Variants in OSTC observed in about 807,000 individuals in gnomAD.
OSTC encodes the protein oligosaccharyltransferase complex subunit OSTC.
Under a neutral mutation model 16.4 loss-of-function variants are expected in OSTC, and 16 were observed. The ratio of observed to expected loss-of-function variants is 0.98; its 90% confidence interval spans 0.66 to 1.49. The LOEUF (loss-of-function observed/expected upper bound fraction) is 1.49, where lower values mean the gene tolerates loss of function less well. OSTC is among the 40% of genes most tolerant of loss of function. OSTC has a pLI of 0.00. For synonymous variants in OSTC, 67 were observed against 68.5 expected (o/e 0.98, Z 0.11); for missense variants, 139 against 186.3 (o/e 0.75, Z 1.48).
intron 1 of OSTC, chr4:108,651,123 C>T (rs1243545079): frequency 4.0e-6 from 1 of 250,484 alleles, no homozygotes; most frequent in South Asian, 5.5e-5. Flanking sequence ...GATAAATGTC[C>T]TGGGAAAGCC....
chr4:108,658,971 CTTTTTTTTTTTTTT>C (rs766585998), intron 3 of OSTC, among the ~76,000 whole-genome samples: 2 of 83,896 alleles, frequency 2.4e-5, no homozygotes, highest in African/African-American at 5.3e-5. Context: ...GGCAGCAGCT[CTTTTTTTTTTTTTT>C]TTTTTTTTTT....
At chr4:108,659,831 T>C (rs919425545) in intron 3 of OSTC, among the ~76,000 whole-genome samples, 1 of 152,168 alleles carries the variant, frequency 6.6e-6, no homozygotes, top group Non-Finnish European at 1.5e-5. Flanking sequence ...TTTGGAGGCA[T>C]GTGTCAGAAC....
intron 1 of OSTC, among the ~76,000 whole-genome samples, chr4:108,652,520 C>T (rs1205224984): frequency 1.3e-5 from 2 of 151,814 alleles, no homozygotes; most frequent in African/African-American, 4.8e-5. Flanking sequence ...ATTGGTTTTG[C>T]CACTGGAAGG....
chr4:108,667,248 G>C lies in OSTC; in HGVS notation c.433G>C (p.Gly145Arg). 6.2e-7 allele frequency: 1 copy of C among 1,607,562 alleles called. No homozygotes were observed. Among genetic ancestry groups the C allele is most frequent in the Non-Finnish European group, 8.5e-7 (1 of 1,176,176 alleles). Residue 145 changes from glycine to arginine, a missense_variant and splice_region_variant, in exon 4 of 4, where the codon GGC becomes CGC. Gly to Arg is a moderately radical substitution (Grantham distance 125, BLOSUM62 -2). Transcript: ENST00000361564. Reference sequence around the variant, plus strand: ...GTGCTTATAATTATATTTCTGCAGGGGCTATCTGATGGGTTAGAGTGCCTT... The same window carrying C: ...GTGCTTATAATTATATTTCTGCAGGCGCTATCTGATGGGTTAGAGTGCCTT... Reference protein sequence around the residue: ...ARVFMRMKLPGYLMG With the variant: ...ARVFMRMKLPRYLMG
Position 108,657,644 on chromosome 4 carries a change from T to C in OSTC, c.428T>C (p.Leu143Pro), listed in dbSNP as rs1257665635. The change falls in exon 3 of 4, where the codon CTG (leucine) becomes CCG (proline). Residue 143 changes from leucine (L) to proline (P), a missense_variant. Physicochemically the swap from Leu to Pro is moderately conservative, Grantham distance 98. Coordinates refer to ENST00000361564, the MANE Select transcript of OSTC (RefSeq NM_021227.4). ...GCTAGAGTATTCATGAGAATGAAACTGCCGTAAGTTATTTGTGTAATCAGC... is the reference window on the plus strand; with the variant it reads ...GCTAGAGTATTCATGAGAATGAAACCGCCGTAAGTTATTTGTGTAATCAGC... ...FMARVFMRMK[L>P]PGYLMG 7 of 1,609,780 alleles carry C rather than the reference T, an allele frequency of 4.3e-6. No homozygotes were observed. The highest frequency in any genetic ancestry group is 1.3e-5 in the African/African-American group (1 of 74,810).
Position 108,657,660 on chromosome 4 carries a change from T to C in OSTC, c.431+13T>C, listed in dbSNP as rs749795037. 2 of 1,596,238 alleles carry C rather than the reference T, an allele frequency of 1.3e-6. No individual in the cohort carries two copies. Among genetic ancestry groups the C allele is most frequent in the South Asian group, 1.1e-5 (1 of 90,522 alleles). On this transcript the variant is annotated intron_variant, in intron 3 of 3. Coordinates refer to ENST00000361564, the MANE Select transcript of OSTC (RefSeq NM_021227.4). ...GAATGAAACTGCCGTAAGTTATTTG[T>C]GTAATCAGCACCTTATGTTGCAAAT...
chr4:108,665,533 G>GTGTTT (rs140237062), intron 3 of OSTC, among the ~76,000 whole-genome samples: 15 of 125,950 alleles, frequency 1.2e-4, no homozygotes, highest in African/African-American at 2.0e-4. Flanking sequence ...AGGATGTTTT[G>GTGTTT]TGTTTTGTTT....
intron 3 of OSTC, 83 bp downstream of exon 3, chr4:108,657,730 A>AT (rs1298503150): frequency 1.4e-5 from 18 of 1,251,986 alleles, no homozygotes; most frequent in Non-Finnish European, 2.0e-5. Flanking sequence ...AGGACATTTA[A>AT]TTTAACTTTC....
At chr4:108,660,104 A>G (rs955690840) in intron 3 of OSTC, among the ~76,000 whole-genome samples, 3 of 152,158 alleles carry the variant, frequency 2.0e-5, no homozygotes, top group African/African-American at 4.8e-5. Flanking sequence ...TTATGTGAAC[A>G]TTTGTCTTCC....
chr4:108,650,632 A>C lies in OSTC; in HGVS notation c.-24A>C. On this transcript the variant is annotated 5_prime_UTR_variant, in exon 1 of 4. Transcript: ENST00000361564. Reference sequence around the variant, plus strand: ...GGGAGGCGCGTGGGGCTTGAGGCCGAGAACGGCCCTTGCTGCCACCAACAT... The same window carrying C: ...GGGAGGCGCGTGGGGCTTGAGGCCGCGAACGGCCCTTGCTGCCACCAACAT... 1 of 1,612,344 alleles carries C rather than the reference A, an allele frequency of 6.2e-7. No individual in the cohort carries two copies. Among genetic ancestry groups the C allele is most frequent in the South Asian group, 1.1e-5 (1 of 91,020 alleles).
intron 2 of OSTC, 90 bp from the exon 3 acceptor site, chr4:108,657,360 T>A: frequency 8.8e-7 from 1 of 1,139,068 alleles, no homozygotes; most frequent in Middle Eastern, 2.9e-4. Context: ...AGCACAAAAA[T>A]GTTTTGGCAC....
In OSTC at chr4:108,667,369, G is replaced by C; in HGVS notation, c.*104G>C. The C allele has an allele frequency of 1.1e-6, 1 of 941,796 alleles. No individual in the cohort carries two copies. The highest frequency in any genetic ancestry group is 1.6e-6 in the Non-Finnish European group (1 of 624,482). The allele number at this position is 941,796 out of a possible 1,614,324, so 58.3% of individuals were successfully genotyped here. On this transcript the variant is annotated 3_prime_UTR_variant, in exon 4 of 4. Coordinates refer to ENST00000361564, the MANE Select transcript of OSTC (RefSeq NM_021227.4). ...TATGAAATGTGGAAAAGAATGAAGA[G>C]CAGCAGTAAAAGAAATATCTAGTGA...
chr4:108,661,160 G>A (rs1726847142), intron 3 of OSTC, among the ~76,000 whole-genome samples: 1 of 149,838 alleles, frequency 6.7e-6, no homozygotes, highest in Non-Finnish European at 1.5e-5. Context: ...AGAGGTTGCA[G>A]TGAGTCGAAA....
At chr4:108,660,137 A>G (rs927118499) in intron 3 of OSTC, among the ~76,000 whole-genome samples, 4 of 152,240 alleles carry the variant, frequency 2.6e-5, no homozygotes. Context: ...ATAGGCTAGT[A>G]TGTAACACCG....
At position 108,657,555 on chromosome 4, in the gene OSTC, A is replaced by C; in HGVS notation, c.339A>C (p.Pro113=). The change falls in exon 3 of 4, where the codon CCA becomes CCC. Residue 113 remains proline (P), a synonymous_variant. Coordinates refer to ENST00000361564, the MANE Select transcript of OSTC (RefSeq NM_021227.4). ...ACCGATCGAATGCACCAAATATCCC[A>C]AAACTCAATAGATTCCTTCTTCTGT... ...ILDRSNAPNI[P]KLNRFLLLFI... The C allele has an allele frequency of 6.2e-7, 1 of 1,613,770 alleles. No homozygotes were observed. Among genetic ancestry groups the C allele is most frequent in the Non-Finnish European group, 8.5e-7 (1 of 1,179,734 alleles).
intron 3 of OSTC, among the ~76,000 whole-genome samples, chr4:108,657,905 T>A (rs1726751812): frequency 7.0e-6 from 1 of 142,006 alleles, no homozygotes; most frequent in Non-Finnish European, 1.5e-5. Flanking sequence ...TGACTGAAGA[T>A]AGTCATTGTT....
intron 3 of OSTC, among the ~76,000 whole-genome samples, chr4:108,665,669 C>T (rs1726978502): frequency 6.6e-6 from 1 of 151,622 alleles, no homozygotes; most frequent in Non-Finnish European, 1.5e-5. Context: ...AAGCAATTCT[C>T]CTGCCTCAGC....
chr4:108,666,090 T>TA (rs1332908667), intron 3 of OSTC, among the ~76,000 whole-genome samples: 1 of 152,176 alleles, frequency 6.6e-6, no homozygotes, highest in Non-Finnish European at 1.5e-5. Flanking sequence ...TACCAGCAGG[T>TA]ACAGCTAAAG....
In OSTC at chr4:108,651,760, A is replaced by G. The variant is rs1417848302; in HGVS notation, c.139+966A>G. ...ATTAAAGCTACGGATTTGGGATAGCAAAAGTAGTTCTACTTTTAAGGGAGT... is the reference window on the plus strand; with the variant it reads ...ATTAAAGCTACGGATTTGGGATAGCGAAAGTAGTTCTACTTTTAAGGGAGT... On this transcript the variant is annotated intron_variant, in intron 1 of 3. Transcript: ENST00000361564. Among the ~76,000 whole-genome samples, 4 of 152,374 alleles carry G rather than the reference A, an allele frequency of 2.6e-5. No homozygotes were observed. In the East Asian group the frequency reaches 7.7e-4, roughly 29 times the overall value.
Sources: gnomAD v4.1 joint callset for allele counts (sites outside exome capture counted in the v4.1 genomes callset) on GRCh38, gnomAD v4.1.1 for gene constraint, MANE v1.5 for transcripts, NCBI Gene and HGNC (gene_info 2026-07-23, HGNC 2026-07-21) for gene names.